Variants in CDH18 observed in about 807,000 individuals in gnomAD.
The protein encoded by CDH18 is cadherin 18.
CDH18 carries 31 observed loss-of-function variants against 67.9 expected under a neutral mutation model. The observed-to-expected ratio is 0.46, with a 90% CI of 0.34 to 0.62. The LOEUF (loss-of-function observed/expected upper bound fraction) is 0.62. Ranked by LOEUF, CDH18 falls within the 20% of genes least tolerant of loss-of-function variation. CDH18 has a pLI of 0.01. For missense variants in CDH18, 890 were observed against 975.5 expected, an observed-to-expected ratio of 0.91 and a Z score of 1.17; for synonymous variants, 362 against 347.2, an observed-to-expected ratio of 1.04 and a Z score of -0.48.
At chr5:20,231,545 GC>G (rs959345881) in intron 2 of CDH18, among the ~76,000 whole-genome samples, 1 of 151,666 alleles carries the variant, frequency 6.6e-6, no homozygotes, top group African/African-American at 2.4e-5. Flanking sequence ...GTTGCAGTGA[GC>G]CAAGATCGCA....
Position 19,543,926 on chromosome 5 carries a change from C to T in CDH18, c.1333G>A (p.Val445Ile). 2 of 1,595,584 alleles carry T rather than the reference C, an allele frequency of 1.3e-6. No homozygotes were observed. Among genetic ancestry groups the T allele is most frequent in the Non-Finnish European group, 1.7e-6 (2 of 1,166,946 alleles). Reference sequence around the variant, plus strand: ...CATGGAGTTTCTTCTCTGTCGAGAACCTTTGTAGTCCTAATGGTCCCAGTA... The same window carrying T: ...CATGGAGTTTCTTCTCTGTCGAGAATCTTTGTAGTCCTAATGGTCCCAGTA... ...ANTGTIRTTK[V>I]LDREETPWYN... The change falls in exon 9 of 13, where the codon GTT becomes ATT. Residue 445 changes from valine to isoleucine, a missense_variant. Around this residue, in one of 2 missense-constraint regions of CDH18, gnomAD observed 656 missense variants for 668.1 expected, o/e 0.98. Coordinates refer to ENST00000382275, the MANE Select transcript of CDH18 (RefSeq NM_004934.5).
chr5:19,527,495 C>T (rs1747919877), intron 9 of CDH18, among the ~76,000 whole-genome samples: 1 of 151,178 alleles, frequency 6.6e-6, no homozygotes, highest in Non-Finnish European at 1.5e-5. Flanking sequence ...AAATAATTTG[C>T]TATAATTTAT....
chr5:19,563,484 G>A (rs1406982422), intron 8 of CDH18, among the ~76,000 whole-genome samples: 7 of 152,132 alleles, frequency 4.6e-5, no homozygotes, highest in Non-Finnish European at 1.5e-5. Context: ...AAGCTCTCTA[G>A]CTTCTTGTTT....
intron 2 of CDH18, among the ~76,000 whole-genome samples, chr5:19,889,308 T>C (rs1447673982): frequency 6.6e-6 from 1 of 152,108 alleles, no homozygotes; most frequent in East Asian, 1.9e-4. Context: ...TTAGCCAATT[T>C]TTTTTCTGTA....
chr5:19,642,197 A>G lies in CDH18; in HGVS notation c.644-29596T>C, dbSNP rs796969789. On this transcript the variant is annotated intron_variant, in intron 5 of 12. Transcript: ENST00000382275. The stretch of plus-strand genomic sequence containing the variant: ...AAATTAAATAGATAGATAAATGGAA[A>G]GACAGCATATACCCACGGATTAGAA... Among the ~76,000 whole-genome samples the G allele has an allele frequency of 6.6e-5, 10 of 152,152 alleles. 1 individual carries two copies. The highest frequency in any genetic ancestry group is 2.2e-4 in the African/African-American group (9 of 41,552).
intron 1 of CDH18, among the ~76,000 whole-genome samples, chr5:20,276,982 T>C (rs1420110322): frequency 1.3e-5 from 2 of 152,128 alleles, no homozygotes; most frequent in Non-Finnish European, 2.9e-5. Flanking sequence ...GTGGCATGCA[T>C]GCCAGCTCAG....
chr5:19,549,380 T>G, intron 8 of CDH18, among the ~76,000 whole-genome samples: 1 of 152,148 alleles, frequency 6.6e-6, no homozygotes, highest in East Asian at 1.9e-4. Context: ...CAGAAGCAGA[T>G]GCTGGCACCA....
At chr5:19,539,795 T>C (rs1749962791) in intron 9 of CDH18, among the ~76,000 whole-genome samples, 1 of 152,176 alleles carries the variant, frequency 6.6e-6, no homozygotes, top group South Asian at 2.1e-4. Context: ...AGGTCCATGA[T>C]TCAATTACCT....
chr5:20,210,972 A>C (rs951775398), intron 2 of CDH18, among the ~76,000 whole-genome samples: 5 of 152,122 alleles, frequency 3.3e-5, no homozygotes, highest in African/African-American at 1.2e-4. Flanking sequence ...ATTATTCATA[A>C]TCTAGATTTG....
At chr5:19,673,455 G>C (rs1204505093) in intron 5 of CDH18, among the ~76,000 whole-genome samples, 1 of 151,684 alleles carries the variant, frequency 6.6e-6, no homozygotes, top group African/African-American at 2.4e-5. Context: ...TCTTAACTTA[G>C]GCCTAAACTA....
At chr5:20,461,887 C>G (rs1251243992) in intron 1 of CDH18, among the ~76,000 whole-genome samples, 1 of 151,994 alleles carries the variant, frequency 6.6e-6, no homozygotes, top group Non-Finnish European at 1.5e-5. Context: ...ACAATAGTAT[C>G]AAACGAAAAG....
chr5:19,640,224 T>C (rs1355171785), intron 5 of CDH18, among the ~76,000 whole-genome samples: 1 of 152,160 alleles, frequency 6.6e-6, no homozygotes, highest in Non-Finnish European at 1.5e-5. Context: ...AATGTAGCAC[T>C]GTAATAGGGG....
intron 4 of CDH18, among the ~76,000 whole-genome samples, chr5:19,732,849 T>C (rs745926524): frequency 6.6e-6 from 1 of 152,196 alleles, no homozygotes; most frequent in Non-Finnish European, 1.5e-5. Context: ...ATTTGATCCA[T>C]GCATACTTAA....
chr5:19,888,137 T>C (rs970896886), intron 2 of CDH18, among the ~76,000 whole-genome samples: 2 of 152,178 alleles, frequency 1.3e-5, no homozygotes, highest in Admixed American at 1.3e-4. Flanking sequence ...TGATGTAAAA[T>C]AGTGCTAGCC....
At chr5:20,198,697 G>T (rs1001271354) in intron 2 of CDH18, among the ~76,000 whole-genome samples, 11 of 152,134 alleles carry the variant, frequency 7.2e-5, no homozygotes, top group Admixed American at 4.6e-4. Context: ...TGTCTCCAGG[G>T]CATGTCAGAG....
intron 5 of CDH18, among the ~76,000 whole-genome samples, chr5:19,694,542 T>C (rs1762299657): frequency 6.6e-6 from 1 of 152,152 alleles, no homozygotes; most frequent in African/African-American, 2.4e-5. Flanking sequence ...TAGTCAATAA[T>C]AACAGATATT....
At chr5:20,284,414 T>C (rs920195557) in intron 1 of CDH18, among the ~76,000 whole-genome samples, 6 of 151,964 alleles carry the variant, frequency 3.9e-5, no homozygotes, top group African/African-American at 7.2e-5. Flanking sequence ...TTAAAAGTCA[T>C]TAAAATTTTA....
intron 3 of CDH18, among the ~76,000 whole-genome samples, chr5:19,784,436 T>A (rs2149791328): frequency 6.6e-6 from 1 of 152,300 alleles, no homozygotes; most frequent in South Asian, 2.1e-4. Context: ...TTAGATATGA[T>A]CTTTGCTGTA....
chr5:20,413,892 C>CTA (rs1157296046), intron 1 of CDH18, among the ~76,000 whole-genome samples: 67 of 152,108 alleles, frequency 4.4e-4, no homozygotes, highest in Non-Finnish European at 8.8e-4. Flanking sequence ...TTGCCCATGC[C>CTA]TGTAACCTGA....
Sources: allele counts gnomAD v4.1 joint callset (sites outside exome capture counted in the v4.1 genomes callset), GRCh38; gene constraint gnomAD v4.1.1; regional missense constraint gnomAD v4.1.1; transcripts MANE v1.5; gene names NCBI Gene and HGNC (gene_info 2026-07-23, HGNC 2026-07-21).